The following NEK10 variants were observed in gnomAD, a reference collection of about 807,000 sequenced individuals.
NEK10 encodes NIMA related kinase 10, also known as serine/threonine-protein kinase Nek10.
Under a neutral mutation model 159.8 loss-of-function variants are expected in NEK10, and 122 were observed. That is an observed-to-expected ratio of 0.76 (90% CI 0.66 to 0.89). The LOEUF is 0.89. Ranked by LOEUF, NEK10 falls within the 40% of genes least tolerant of loss-of-function variation. The probability of loss-of-function intolerance (pLI) is 0.00; values close to 1 mark genes in which losing one functional copy is unlikely to be tolerated. For missense variants in NEK10, 1,342 were observed against 1,323.1 expected (o/e 1.01, Z -0.22); for synonymous variants, 466 against 457.1 (o/e 1.02, Z -0.25).
intron 25 of NEK10, 104 bp from the exon 26 acceptor site, chr3:27,192,346 T>G (rs1949193984): frequency 1.3e-6 from 1 of 786,486 alleles, no homozygotes. Flanking sequence ...ACTATGGTAT[T>G]TTCACCTAAG....
At chr3:27,297,993 C>T (rs1210426214) in intron 13 of NEK10, among the ~76,000 whole-genome samples, 1 of 152,188 alleles carries the variant, frequency 6.6e-6, no homozygotes, top group African/African-American at 2.4e-5. Flanking sequence ...CCATGATTAT[C>T]ATCACCATTT....
intron 35 of NEK10, among the ~76,000 whole-genome samples, chr3:27,113,612 T>C (rs1040610430): frequency 6.6e-6 from 1 of 152,100 alleles, no homozygotes; most frequent in Non-Finnish European, 1.5e-5. Context: ...CAATTACAAA[T>C]ATAACTGAAT....
intron 24 of NEK10, 58 bp downstream of exon 24, chr3:27,202,370 A>T (rs1950129309): frequency 6.6e-7 from 1 of 1,510,434 alleles, no homozygotes; most frequent in African/African-American, 1.4e-5. Flanking sequence ...CTGTTTAATA[A>T]GAAAAAGAAT....
chr3:27,344,350 C>T lies in NEK10; in HGVS notation c.284G>A (p.Arg95Lys). ...ACGCTGAGGATGTTTGCTGAAATTT[C>T]TCTCATTCTTGTAGTTTATACTGAG... ...ENFSINYKNE[R>K]NFSKHPQRKL... The change falls in exon 5 of 36, where the codon AGA becomes AAA. Residue 95 changes from arginine (R) to lysine (K), a missense_variant. Transcript: ENST00000691995. 6.3e-7 allele frequency: 1 copy of T among 1,582,192 alleles called. No individual in the cohort carries two copies. The highest frequency in any genetic ancestry group is 8.6e-7 in the Non-Finnish European group (1 of 1,156,162).
intron 10 of NEK10, among the ~76,000 whole-genome samples, chr3:27,308,602 G>A (rs1338936497): frequency 6.6e-6 from 1 of 152,106 alleles, no homozygotes; most frequent in African/African-American, 2.4e-5. Flanking sequence ...TCACAGGTAA[G>A]AATGAATTAA....
intron 26 of NEK10, among the ~76,000 whole-genome samples, chr3:27,188,544 T>A (rs1948827551): frequency 6.6e-6 from 1 of 152,182 alleles, no homozygotes; most frequent in Admixed American, 6.5e-5. Flanking sequence ...AAAGAAATCA[T>A]CATTCAGCCT....
intron 22 of NEK10, among the ~76,000 whole-genome samples, chr3:27,267,198 A>G (rs1024784343): frequency 1.3e-5 from 2 of 152,184 alleles, no homozygotes; most frequent in African/African-American, 4.8e-5. Flanking sequence ...GCAGCATTTC[A>G]ATGCAATTTC....
intron 23 of NEK10, among the ~76,000 whole-genome samples, chr3:27,220,294 G>A (rs1559635491): frequency 6.6e-6 from 1 of 152,174 alleles, no homozygotes. Flanking sequence ...TTCTGGGAGA[G>A]AATCTATTTC....
intron 31 of NEK10, among the ~76,000 whole-genome samples, chr3:27,136,663 C>T (rs1484231934): frequency 6.6e-6 from 1 of 152,152 alleles, no homozygotes; most frequent in Non-Finnish European, 1.5e-5. Flanking sequence ...GCTTGCTGGT[C>T]TTACGATTAC....
intron 30 of NEK10, among the ~76,000 whole-genome samples, chr3:27,143,103 T>A (rs1291601978): frequency 6.6e-6 from 1 of 152,160 alleles, no homozygotes; most frequent in African/African-American, 2.4e-5. Flanking sequence ...TGCTCCATCT[T>A]GTGGAGATGG....
chr3:27,322,947 T>A (rs1351289121), intron 5 of NEK10, among the ~76,000 whole-genome samples: 1 of 152,170 alleles, frequency 6.6e-6, no homozygotes, highest in African/African-American at 2.4e-5. Flanking sequence ...TTTTAGAAAA[T>A]TGAAAATACC....
In NEK10 at chr3:27,277,987, A is replaced by G. The variant is rs546039936; in HGVS notation, c.2014+6615T>C. Among the ~76,000 whole-genome samples, 12 of 152,366 alleles carry G rather than the reference A, an allele frequency of 7.9e-5. No homozygotes were observed. The South Asian group carries it at 1.9e-3, about 24-fold the overall frequency. ...ATAGGAGTCTTGTTAAGTCAGAGGC[A>G]GACAAAATTTTCTGTAAAGACCAGA... On this transcript the variant is annotated intron_variant, in intron 22 of 35. Transcript: ENST00000691995.
At chr3:27,232,291 C>G (rs1283268084) in intron 23 of NEK10, among the ~76,000 whole-genome samples, 1 of 151,698 alleles carries the variant, frequency 6.6e-6, no homozygotes, top group Non-Finnish European at 1.5e-5. Flanking sequence ...AGAATCAAAT[C>G]AAGAATGCAA....
chr3:27,342,872 C>T (rs1359748169), intron 5 of NEK10, among the ~76,000 whole-genome samples: 3 of 151,870 alleles, frequency 2.0e-5, no homozygotes, highest in African/African-American at 7.2e-5. Context: ...TCTGTTATTA[C>T]CATTGTTTCA....
intron 22 of NEK10, among the ~76,000 whole-genome samples, chr3:27,269,683 T>G (rs112391194): frequency 6.6e-6 from 1 of 152,196 alleles, no homozygotes; most frequent in East Asian, 1.9e-4. Context: ...ATTGCAATAT[T>G]TGCTGTATTG....
intron 23 of NEK10, among the ~76,000 whole-genome samples, chr3:27,238,390 C>T (rs553684217): frequency 2.0e-5 from 3 of 152,038 alleles, no homozygotes; most frequent in African/African-American, 4.8e-5. Flanking sequence ...AGTAGGATTA[C>T]GAATATTCTT....
intron 23 of NEK10, among the ~76,000 whole-genome samples, chr3:27,249,828 AG>A (rs1294161088): frequency 4.6e-5 from 7 of 152,048 alleles, no homozygotes; most frequent in Admixed American, 2.0e-4. Context: ...CTGTTAGTGA[AG>A]GTGATTTTCT....
chr3:27,353,666 A>G (rs1229124993), intron 1 of NEK10, among the ~76,000 whole-genome samples: 1 of 152,200 alleles, frequency 6.6e-6, no homozygotes, highest in Non-Finnish European at 1.5e-5. Flanking sequence ...TAACAGGTAC[A>G]ATATTAACAC....
rs1173069106 is a variant in NEK10 at position 27,261,659 on chromosome 3, G to A, written c.2015-5288C>T. On this transcript the variant is annotated intron_variant, in intron 22 of 35. Transcript: ENST00000691995. ...TACTTCCAACTATGTGGTCAATTTT[G>A]GAATAAGTGTGGTGTGGTGCTGAAA... 2.0e-5 allele frequency among the ~76,000 whole-genome samples: 3 copies of A among 152,264 alleles called. No homozygotes were observed. In the Middle Eastern group the frequency reaches 0.01, roughly 518 times the overall value.
Sources: gnomAD v4.1 joint callset for allele counts (sites outside exome capture counted in the v4.1 genomes callset) on GRCh38, gnomAD v4.1.1 for gene constraint, MANE v1.5 for transcripts, NCBI Gene and HGNC (gene_info 2026-07-23, HGNC 2026-07-21) for gene names.